The following TTN variants were observed in gnomAD, a reference collection of about 807,000 sequenced individuals.
The protein encoded by TTN is connectin.
A neutral mutation model predicts 3,223.0 loss-of-function variants in TTN; 1,525 were observed. That is an observed-to-expected ratio of 0.47 (90% confidence interval 0.45 to 0.49). The LOEUF is 0.49. Ranked by LOEUF, TTN falls within the 20% of genes least tolerant of loss-of-function variation. TTN has a pLI of 0.00. For missense variants in TTN, 40,786 were observed against 43,424.0 expected, an observed-to-expected ratio of 0.94 and a Z score of 5.40; for synonymous variants, 14,094 against 15,161.0, an observed-to-expected ratio of 0.93 and a Z score of 5.17.
At position 178,591,808 on chromosome 2, in the gene TTN, T is replaced by C. The variant is rs1343530077; in HGVS notation, c.60011A>G (p.Asp20004Gly). Residue 20004 changes from aspartate (D) to glycine (G), a missense_variant, in exon 303 of 363, where the codon GAT (aspartate) becomes GGT (glycine). Asp to Gly is a moderately conservative substitution (Grantham distance 94, BLOSUM62 -1). Transcript: ENST00000589042. The part of the protein sequence containing the change: ...VSLVWNKPDR[D>G]GGSPITGYLV... ...ATATCCAGTGATTGGAGAACCACCATCACGATCCGGCTTATTCCAGACTAG... is the reference window on the plus strand; with the variant it reads ...ATATCCAGTGATTGGAGAACCACCACCACGATCCGGCTTATTCCAGACTAG... The C allele has an allele frequency of 2.5e-6, 4 of 1,613,328 alleles. No homozygotes were observed. In the South Asian group the frequency reaches 4.4e-5, roughly 18 times the overall value.
intron 111 of TTN, among the ~76,000 whole-genome samples, chr2:178,699,215 A>G (rs186613205): frequency 1.3e-5 from 2 of 151,818 alleles, no homozygotes; most frequent in African/African-American, 2.4e-5. Flanking sequence ...CATAAATAGT[A>G]AAGTACACAT....
At position 178,775,878 on chromosome 2, in the gene TTN, C is replaced by G; in HGVS notation, c.5986G>C (p.Glu1996Gln). 6.2e-7 allele frequency: 1 copy of G among 1,614,158 alleles called. No individual in the cohort carries two copies. Among genetic ancestry groups the G allele is most frequent in the Non-Finnish European group, 8.5e-7 (1 of 1,180,004 alleles). Residue 1996 changes from glutamate (E) to glutamine (Q), a missense_variant, in exon 28 of 363, where the codon GAG becomes CAG. Physicochemically the swap from Glu to Gln is conservative, Grantham distance 29. Coordinates refer to ENST00000589042, the MANE Select transcript of TTN (RefSeq NM_001267550.2). ...CTGCGCTTGAATTTACTGCGCAGCTCTTCCGACTCTTCAGGCACTTTTTCA... is the reference window on the plus strand; with the variant it reads ...CTGCGCTTGAATTTACTGCGCAGCTGTTCCGACTCTTCAGGCACTTTTTCA... Reference protein sequence around the residue: ...THEKVPEESEELRSKFKRRTE... With the variant: ...THEKVPEESEQLRSKFKRRTE...
chr2:178,535,027 T>C lies in TTN; in HGVS notation c.101588A>G (p.Glu33863Gly). The C allele has an allele frequency of 2.5e-6, 4 of 1,613,898 alleles. No homozygotes were observed. The highest frequency in any genetic ancestry group is 3.4e-6 in the Non-Finnish European group (4 of 1,179,854). Residue 33863 changes from glutamate to glycine, a missense_variant, in exon 358 of 363, where the codon GAA (glutamate) becomes GGA (glycine). By Grantham distance (98) the Glu-to-Gly change is moderately conservative. Coordinates refer to ENST00000589042, the MANE Select transcript of TTN (RefSeq NM_001267550.2). ...KGTDQVLVKK[E>G]ISILNIARHR... The stretch of plus-strand genomic sequence containing the variant: ...CCTAGCAATATTCAGAATGGAAATT[T>C]CCTTCTTTACCAAAACCTGATCAGT...
chr2:178,564,813 A>G lies in TTN; in HGVS notation c.81319T>C (p.Tyr27107His), dbSNP rs374968141. Residue 27107 changes from tyrosine to histidine, a missense_variant, in exon 326 of 363, where the codon TAC becomes CAC. By Grantham distance (83) the Tyr-to-His change is moderately conservative. Coordinates refer to ENST00000589042, the MANE Select transcript of TTN (RefSeq NM_001267550.2). ...VNDGGTKIIG[Y>H]HLEQKEKNSI... ...TTCTTTTCTTTCTGTTCAAGATGGTAGCCAATAATTTTGGTGCCTCCATCA... is the reference window on the plus strand; with the variant it reads ...TTCTTTTCTTTCTGTTCAAGATGGTGGCCAATAATTTTGGTGCCTCCATCA... 2 of 1,612,898 alleles carry G rather than the reference A, an allele frequency of 1.2e-6. No individual in the cohort carries two copies. Among genetic ancestry groups the G allele is most frequent in the African/African-American group, 2.7e-5 (2 of 74,898 alleles).
chr2:178,613,885 T>C lies in TTN; in HGVS notation c.49398A>G (p.Ala16466=). 6.2e-7 allele frequency: 1 copy of C among 1,611,186 alleles called. No homozygotes were observed. The highest frequency in any genetic ancestry group is 1.3e-5 in the African/African-American group (1 of 74,876). ...RLEPSDITKD[A]VTLTWCEPDD... ...CTGGCTCACACCATGTGAGAGTCACTGCGTCTTTAGTGATATCAGAAGGTT... is the reference window on the plus strand; with the variant it reads ...CTGGCTCACACCATGTGAGAGTCACCGCGTCTTTAGTGATATCAGAAGGTT... Residue 16466 remains alanine (A), a synonymous_variant, in exon 263 of 363, where the codon GCA becomes GCG. Coordinates refer to ENST00000589042, the MANE Select transcript of TTN (RefSeq NM_001267550.2).
chr2:178,734,365 G>A lies in TTN; in HGVS notation c.15459C>T (p.Val5153=), dbSNP rs762428326. The change falls in exon 52 of 363, where the codon GTC becomes GTT. Residue 5153 remains valine, a synonymous_variant. Transcript: ENST00000589042. ...GEYECVVANE[V]GKCGCMATHL... ...GGGTTGCCATGCAGCCACACTTGCCGACTTCATTAGCAACAACACATTCAT... is the reference window on the plus strand; with the variant it reads ...GGGTTGCCATGCAGCCACACTTGCCAACTTCATTAGCAACAACACATTCAT... 27 of 1,605,806 alleles carry A rather than the reference G, an allele frequency of 1.7e-5. No individual in the cohort carries two copies. Among genetic ancestry groups the A allele is most frequent in the East Asian group, 2.2e-5 (1 of 44,716 alleles).
rs756049297 is a variant in TTN, at chr2:178,717,430, AC to A, written c.25352-49del. The stretch of plus-strand genomic sequence containing the variant: ...TGGTGATTTTTATTTCCATGCTCTC[AC>A]ATACAGAGCAGAAACTAAATGGCAC... On this transcript the variant is annotated intron_variant, in intron 87 of 362. Coordinates refer to ENST00000589042, the MANE Select transcript of TTN (RefSeq NM_001267550.2). 3.8e-6 allele frequency: 6 copies of A among 1,575,532 alleles called. No individual in the cohort carries two copies. In the Admixed American group the frequency reaches 8.9e-5, roughly 23 times the overall value.
chr2:178,610,817 C>A (rs1188890792), intron 270 of TTN, among the ~76,000 whole-genome samples, 176 bp downstream of exon 270: 1 of 151,922 alleles, frequency 6.6e-6, no homozygotes. Flanking sequence ...AAGCGTTTAG[C>A]GATTTCATCT....
Position 178,574,814 on chromosome 2 carries a change from G to T in TTN, c.71318C>A (p.Thr23773Asn). 1 of 1,612,674 alleles carries T rather than the reference G, an allele frequency of 6.2e-7. No homozygotes were observed. The highest frequency in any genetic ancestry group is 8.5e-7 in the Non-Finnish European group (1 of 1,179,266). ...AACGGTGGTTGCTAACTCAACCCAG[G>T]TAGTACTGTCAGTCTGCCGCATTTC... ...VVEMRQTDST[T>N]WVELATTVIR... is the part of the protein sequence containing the mutation. The change falls in exon 326 of 363, where the codon ACC becomes AAC. Residue 23773 changes from threonine to asparagine, a missense_variant. Thr to Asn is a moderately conservative substitution (Grantham distance 65, BLOSUM62 0). Transcript: ENST00000589042.
chr2:178,717,871 A>G, intron 86 of TTN, 61 bp from the exon 87 acceptor site: 1 of 1,573,278 alleles, frequency 6.4e-7, no homozygotes, highest in Non-Finnish European at 8.6e-7. Context: ...AACATATTTC[A>G]ATTCATAAAA....
At position 178,534,890 on chromosome 2, in the gene TTN, A is replaced by C. The variant is rs1015489403; in HGVS notation, c.101725T>G (p.Phe33909Val). The C allele has an allele frequency of 3.7e-6, 6 of 1,609,160 alleles. No individual in the cohort carries two copies. Among genetic ancestry groups the C allele is most frequent in the Non-Finnish European group, 5.1e-6 (6 of 1,179,816 alleles). Residue 33909 changes from phenylalanine (F) to valine (V), a missense_variant, in exon 358 of 363, where the codon TTT (phenylalanine) becomes GTT (valine). Physicochemically the swap from Phe to Val is conservative, Grantham distance 50. Transcript: ENST00000589042. ...DIFERINTSA[F>V]ELNEREIVSY... is the part of the protein sequence containing the mutation. ...ACAATTTCTCTTTCATTAAGTTCAA[A>C]AGCACTTGTGTTAATGCGCTCAAAT...
In TTN at chr2:178,579,674, T is replaced by A; in HGVS notation, c.67523A>T (p.Tyr22508Phe). 1 of 1,613,338 alleles carries A rather than the reference T, an allele frequency of 6.2e-7. No individual in the cohort carries two copies. Among genetic ancestry groups the A allele is most frequent in the Non-Finnish European group, 8.5e-7 (1 of 1,179,534 alleles). ...CCCTTCAGTCAAATCTTTTGCAGAG[T>A]ACTGTAGGCTTAAGGATTTCATAAC... is the stretch of plus-strand genomic sequence containing the variant. ...QRVMKSLSLQ[Y>F]SAKDLTEGKE... The change falls in exon 319 of 363, where the codon TAC becomes TTC. Residue 22508 changes from tyrosine (Y) to phenylalanine (F), a missense_variant. Physicochemically the swap from Tyr to Phe is conservative, Grantham distance 22. Coordinates refer to ENST00000589042, the MANE Select transcript of TTN (RefSeq NM_001267550.2).
rs767670018 is a variant in TTN at position 178,589,114 on chromosome 2, G to T, written c.62611C>A (p.Leu20871Met). The T allele has an allele frequency of 2.5e-6, 4 of 1,611,728 alleles. No homozygotes were observed. In the African/African-American group the frequency reaches 4.0e-5, roughly 16 times the overall value. ...TCACTGGACACATCAACAATTTTCA[G>T]ATTTCTCACAGGACCAGGCTTATCT... ...VLDKPGPVRN[L>M]KIVDVSSDRC... The change falls in exon 304 of 363, where the codon CTG (leucine) becomes ATG (methionine). Residue 20871 changes from leucine to methionine, a missense_variant. Physicochemically the swap from Leu to Met is conservative, Grantham distance 15 (BLOSUM62 2). Coordinates refer to ENST00000589042, the MANE Select transcript of TTN (RefSeq NM_001267550.2).
chr2:178,558,942 C>T, intron 326 of TTN: 1 of 403,898 alleles, frequency 2.5e-6, no homozygotes, highest in South Asian at 3.0e-5. Context: ...TTTTAAAAAA[C>T]TTTATATACA....
At chr2:178,556,184 C>A (rs1405398300) in intron 330 of TTN, 1 of 152,774 alleles carries the variant, frequency 6.5e-6, no homozygotes, top group African/African-American at 2.4e-5. Flanking sequence ...AATCCCAACA[C>A]TTTGGGAGGC....
At chr2:178,635,325 G>T (rs898466302) in intron 227 of TTN, 21 bp from the exon 228 acceptor site, 30 of 1,611,916 alleles carry the variant, frequency 1.9e-5, no homozygotes, top group Middle Eastern at 3.3e-4. Flanking sequence ...CAGGGATGAA[G>T]TAACATAATG....
In TTN at chr2:178,602,432, C is replaced by G; in HGVS notation, c.54970G>C (p.Glu18324Gln). The G allele has an allele frequency of 6.2e-7, 1 of 1,612,608 alleles. No individual in the cohort carries two copies. The highest frequency in any genetic ancestry group is 1.1e-5 in the South Asian group (1 of 91,038). Reference protein sequence around the residue: ...EGTTDWKRVNEPDKLITTCEC... With the variant: ...EGTTDWKRVNQPDKLITTCEC... ...CAGGTAGTTATAAGTTTGTCTGGTT[C>G]ATTTACTCTTTTCCAGTCAGTAGTA... Residue 18324 changes from glutamate (E) to glutamine (Q), a missense_variant, in exon 283 of 363, where the codon GAA becomes CAA. Transcript: ENST00000589042.
In TTN at chr2:178,664,875, T is replaced by G; in HGVS notation, c.36095A>C (p.Lys12032Thr). Residue 12032 changes from lysine to threonine, a missense_variant, in exon 166 of 363, where the codon AAA (lysine) becomes ACA (threonine). Physicochemically the swap from Lys to Thr is moderately conservative, Grantham distance 78. Coordinates refer to ENST00000589042, the MANE Select transcript of TTN (RefSeq NM_001267550.2). ...ACCTTTAACTGATGGGGGTTCTCTT[T>G]TTTTGGAAGGAACTGTCTTGGCAGG... ...IIPAKTVPSK[K>T]REPPSVKVPE... The G allele has an allele frequency of 6.2e-7, 1 of 1,611,496 alleles. No homozygotes were observed. Among genetic ancestry groups the G allele is most frequent in the Non-Finnish European group, 8.5e-7 (1 of 1,179,552 alleles).
intron 135 of TTN, 140 bp downstream of exon 135, chr2:178,682,557 C>G: frequency 3.9e-6 from 3 of 773,212 alleles, no homozygotes; most frequent in Admixed American, 3.4e-5. Context: ...AAGAAAATTC[C>G]GCATTTGCGA....
Sources: gnomAD v4.1 joint callset for allele counts (sites outside exome capture counted in the v4.1 genomes callset) on GRCh38, gnomAD v4.1.1 for gene constraint, MANE v1.5 for transcripts, NCBI Gene and HGNC (gene_info 2026-07-23, HGNC 2026-07-21) for gene names.